The following NELL2 variants were observed in gnomAD, a reference collection of about 807,000 sequenced individuals.
NELL2 encodes the protein neural EGFL like 2.
A neutral mutation model predicts 109.6 loss-of-function variants in NELL2; 41 were observed. The observed-to-expected ratio is 0.37, with a 90% CI of 0.29 to 0.49. The LOEUF is 0.49. Ranked by LOEUF, NELL2 falls within the 20% of genes least tolerant of loss-of-function variation. The pLI, the probability that NELL2 is intolerant of heterozygous loss-of-function variation, is 0.98. For missense variants in NELL2, 900 were observed against 1,008.3 expected (o/e 0.89, Z 1.45); for synonymous variants, 355 against 344.7 (o/e 1.03, Z -0.33).
At chr12:44,587,284 A>AAAAAAAAAAAAAAAAATATATATAT in intron 15 of NELL2, among the ~76,000 whole-genome samples, 3 of 72,214 alleles carry the variant, frequency 4.2e-5, no homozygotes, top group Admixed American at 1.6e-4. Flanking sequence ...AAAAAAAAAA[A>AAAAAAAAAAAAAAAAATATATATAT]ATATATATAT....
At chr12:44,718,930 T>C (rs1293277801) in intron 9 of NELL2, among the ~76,000 whole-genome samples, 1 of 152,202 alleles carries the variant, frequency 6.6e-6, no homozygotes, top group Admixed American at 6.5e-5. Context: ...AGCTTTCCTA[T>C]GCACAGTCTA....
At chr12:44,581,296 G>C (rs1419887988) in intron 15 of NELL2, among the ~76,000 whole-genome samples, 2 of 152,008 alleles carry the variant, frequency 1.3e-5, no homozygotes, top group African/African-American at 4.8e-5. Flanking sequence ...TAATTTAAAA[G>C]AAAAAAGATT....
intron 12 of NELL2, among the ~76,000 whole-genome samples, chr12:44,676,052 A>G (rs1482074998): frequency 6.6e-6 from 1 of 152,116 alleles, no homozygotes; most frequent in Non-Finnish European, 1.5e-5. Flanking sequence ...AAAAGATTAT[A>G]TTAGTATGTT....
At chr12:44,906,664 G>A (rs1269738888) in intron 1 of NELL2, among the ~76,000 whole-genome samples, 1 of 151,986 alleles carries the variant, frequency 6.6e-6, no homozygotes, top group Non-Finnish European at 1.5e-5. Context: ...ATAACTTAAC[G>A]AACAAAATTG....
chr12:44,834,596 C>A (rs748347130), intron 2 of NELL2, among the ~76,000 whole-genome samples: 1 of 152,164 alleles, frequency 6.6e-6, no homozygotes, highest in African/African-American at 2.4e-5. Flanking sequence ...ATAAATACTG[C>A]GCAGGGCAGG....
intron 10 of NELL2, among the ~76,000 whole-genome samples, chr12:44,712,760 T>G (rs1938273294): frequency 6.6e-6 from 1 of 151,992 alleles, no homozygotes; most frequent in Non-Finnish European, 1.5e-5. Context: ...TTGCAAAGTA[T>G]GCAAGAGAGT....
chr12:44,727,300 C>T (rs1939133044), intron 9 of NELL2, among the ~76,000 whole-genome samples: 1 of 152,036 alleles, frequency 6.6e-6, no homozygotes, highest in Non-Finnish European at 1.5e-5. Context: ...AATGTCTGAG[C>T]AGTGTTAAGG....
chr12:44,772,810 C>T (rs1012272125), intron 9 of NELL2, among the ~76,000 whole-genome samples: 2 of 151,410 alleles, frequency 1.3e-5, no homozygotes, highest in African/African-American at 4.9e-5. Context: ...ATGTTGTGGT[C>T]TGCTCACTGA....
chr12:44,620,468 C>T (rs1312240548), intron 13 of NELL2, among the ~76,000 whole-genome samples: 3 of 152,142 alleles, frequency 2.0e-5, no homozygotes, highest in Non-Finnish European at 1.5e-5. Flanking sequence ...GAATGGCAAT[C>T]TTGCAGTATC....
intron 13 of NELL2, among the ~76,000 whole-genome samples, chr12:44,662,958 C>T (rs975671816): frequency 1.7e-4 from 26 of 152,128 alleles, no homozygotes; most frequent in Admixed American, 1.2e-3. Context: ...CATTCTGGAA[C>T]GTCTCCTACT....
intron 3 of NELL2, among the ~76,000 whole-genome samples, chr12:44,801,957 T>C (rs181972519): frequency 2.3e-4 from 35 of 152,268 alleles, no homozygotes; most frequent in African/African-American, 8.2e-4. Context: ...CACTTTGTCA[T>C]TTTCTTGAAT....
chr12:44,727,864 G>A (rs368290191), intron 9 of NELL2, among the ~76,000 whole-genome samples: 23 of 151,964 alleles, frequency 1.5e-4, no homozygotes, highest in African/African-American at 5.1e-4. Context: ...AAGAAAATTT[G>A]GTTACATTAC....
chr12:44,874,533 C>T (rs1443206855), intron 2 of NELL2, among the ~76,000 whole-genome samples: 3 of 152,072 alleles, frequency 2.0e-5, no homozygotes, highest in Non-Finnish European at 2.9e-5. Context: ...GACATTTGTG[C>T]CCAGCCAATA....
At chr12:44,611,924 C>T (rs1032157548) in intron 13 of NELL2, among the ~76,000 whole-genome samples, 12 of 152,026 alleles carry the variant, frequency 7.9e-5, no homozygotes, top group Non-Finnish European at 1.6e-4. Flanking sequence ...TTAGTTCAGC[C>T]ATCTAAAATC....
intron 13 of NELL2, among the ~76,000 whole-genome samples, chr12:44,612,225 C>G (rs544345152): frequency 2.0e-4 from 30 of 151,998 alleles, no homozygotes; most frequent in Non-Finnish European, 4.0e-4. Context: ...ACTTCAACTA[C>G]TAAAATAAAA....
intron 13 of NELL2, among the ~76,000 whole-genome samples, chr12:44,621,121 G>A (rs1253832520): frequency 1.3e-5 from 2 of 152,026 alleles, no homozygotes; most frequent in African/African-American, 4.8e-5. Context: ...TCTACTAAAG[G>A]CCATGTCTTT....
At chr12:44,629,965 T>C (rs904338889) in intron 13 of NELL2, among the ~76,000 whole-genome samples, 2 of 152,178 alleles carry the variant, frequency 1.3e-5, no homozygotes. Flanking sequence ...CATATTATAA[T>C]GAATAGTGAA....
At chr12:44,528,278 C>T (rs578053242) in intron 16 of NELL2, among the ~76,000 whole-genome samples, 7 of 151,358 alleles carry the variant, frequency 4.6e-5, no homozygotes, top group Admixed American at 1.3e-4. Flanking sequence ...CCTATGTTTG[C>T]GGGTTTCCTT....
chr12:44,844,589 T>G (rs898241900), intron 2 of NELL2, among the ~76,000 whole-genome samples: 1 of 152,190 alleles, frequency 6.6e-6, no homozygotes, highest in Non-Finnish European at 1.5e-5. Context: ...CTCGAATTTT[T>G]TTTATATGAG....
Sources: gnomAD v4.1 joint callset for allele counts (sites outside exome capture counted in the v4.1 genomes callset) on GRCh38, gnomAD v4.1.1 for gene constraint, MANE v1.5 for transcripts, NCBI Gene and HGNC (gene_info 2026-07-23, HGNC 2026-07-21) for gene names.